The following AAR2 variants were observed in gnomAD, a reference collection of about 807,000 sequenced individuals.
The protein encoded by AAR2 is AAR2 splicing factor.
AAR2 carries 31 observed loss-of-function variants against 26.9 expected under a neutral mutation model. The observed-to-expected ratio is 1.15, with a 90% CI of 0.86 to 1.55. The LOEUF (loss-of-function observed/expected upper bound fraction) is 1.55. Among genes scored for constraint, AAR2 ranks in the 40% most tolerant of loss-of-function variants. The pLI, the probability that AAR2 is intolerant of heterozygous loss-of-function variation, is 0.00. For missense variants in AAR2, 430 were observed against 491.3 expected, an observed-to-expected ratio of 0.88 and a Z score of 1.18; for synonymous variants, 188 against 196.1, an observed-to-expected ratio of 0.96 and a Z score of 0.34.
chr20:36,240,044 A>T lies in AAR2; in HGVS notation c.176A>T (p.His59Leu). The change falls in exon 2 of 4, where the codon CAC (histidine) becomes CTC (leucine). Residue 59 changes from histidine (H) to leucine (L), a missense_variant. Coordinates refer to ENST00000320849, the MANE Select transcript of AAR2 (RefSeq NM_001271874.2). ...KMIPPGIHFL[H>L]YSSVDKANPK... is the part of the protein sequence containing the mutation. ...ATCCCTCCAGGCATCCACTTCCTCC[A>T]CTACAGCTCTGTGGACAAGGCTAAT... The T allele has an allele frequency of 6.2e-7, 1 of 1,614,152 alleles. No individual in the cohort carries two copies. Among genetic ancestry groups the T allele is most frequent in the Non-Finnish European group, 8.5e-7 (1 of 1,180,018 alleles).
At chr20:36,252,714 C>T (rs1414941834) in intron 3 of AAR2, among the ~76,000 whole-genome samples, 3 of 152,188 alleles carry the variant, frequency 2.0e-5, no homozygotes, top group African/African-American at 7.2e-5. Flanking sequence ...TGTGGAGAGT[C>T]ATCCAATTCC....
In AAR2 at chr20:36,255,692, G is replaced by A. The variant is rs774155087; in HGVS notation, c.1102G>A (p.Glu368Lys). Residue 368 changes from glutamate (E) to lysine (K), a missense_variant, in exon 4 of 4, where the codon GAG becomes AAG. Glu to Lys is a moderately conservative substitution (Grantham distance 56). Transcript: ENST00000320849. ...KFRWDFAAEP[E>K]DCAPVVVELP... is the part of the protein sequence containing the mutation. ...CCGGTGGGACTTTGCTGCGGAACCTGAGGACTGTGCCCCGGTGGTGGTGGA... is the reference window on the plus strand; with the variant it reads ...CCGGTGGGACTTTGCTGCGGAACCTAAGGACTGTGCCCCGGTGGTGGTGGA... 2 of 1,614,148 alleles carry A rather than the reference G, an allele frequency of 1.2e-6. No individual in the cohort carries two copies. The highest frequency in any genetic ancestry group is 2.2e-5 in the East Asian group (1 of 44,878).
chr20:36,242,429 C>T (rs904898462), intron 2 of AAR2, among the ~76,000 whole-genome samples: 9 of 151,804 alleles, frequency 5.9e-5, no homozygotes, highest in South Asian at 2.1e-4. Context: ...CTTGCTCTGT[C>T]GCCCAGGCTG....
At chr20:36,248,215 A>C (rs896924498) in intron 3 of AAR2, among the ~76,000 whole-genome samples, 2 of 152,074 alleles carry the variant, frequency 1.3e-5, no homozygotes, top group Non-Finnish European at 2.9e-5. Flanking sequence ...ACTTGTCGCT[A>C]TTATATTGCA....
chr20:36,240,245 C>T lies in AAR2; in HGVS notation c.377C>T (p.Pro126Leu), dbSNP rs199966492. The T allele has an allele frequency of 3.7e-6, 6 of 1,614,222 alleles. No homozygotes were observed. The highest frequency in any genetic ancestry group is 3.3e-4 in the Middle Eastern group (2 of 6,062). The change falls in exon 2 of 4, where the codon CCA becomes CTA. Residue 126 changes from proline (P) to leucine (L), a missense_variant. Coordinates refer to ENST00000320849, the MANE Select transcript of AAR2 (RefSeq NM_001271874.2). ...QELDQFLGPYPYATLKKWISL... is the reference protein window; with the variant it reads ...QELDQFLGPYLYATLKKWISL... ...CTGGACCAGTTCCTGGGGCCTTACC[C>T]ATATGCCACCCTGAAGAAGTGGATC...
chr20:36,240,043 C>T lies in AAR2; in HGVS notation c.175C>T (p.His59Tyr). 6.2e-7 allele frequency: 1 copy of T among 1,614,242 alleles called. No individual in the cohort carries two copies. Among genetic ancestry groups the T allele is most frequent in the African/African-American group, 1.3e-5 (1 of 75,060 alleles). ...GATCCCTCCAGGCATCCACTTCCTCCACTACAGCTCTGTGGACAAGGCTAA... is the reference window on the plus strand; with the variant it reads ...GATCCCTCCAGGCATCCACTTCCTCTACTACAGCTCTGTGGACAAGGCTAA... Reference protein sequence around the residue: ...KMIPPGIHFLHYSSVDKANPK... With the variant: ...KMIPPGIHFLYYSSVDKANPK... The change falls in exon 2 of 4, where the codon CAC (histidine) becomes TAC (tyrosine). Residue 59 changes from histidine (H) to tyrosine (Y), a missense_variant. By Grantham distance (83) the His-to-Tyr change is moderately conservative. Transcript: ENST00000320849.
intron 3 of AAR2, among the ~76,000 whole-genome samples, chr20:36,246,711 A>C (rs1450957234): frequency 6.6e-6 from 1 of 152,236 alleles, no homozygotes; most frequent in Admixed American, 6.5e-5. Flanking sequence ...CTTTGTTGCC[A>C]GCAATGATTT....
intron 3 of AAR2, among the ~76,000 whole-genome samples, chr20:36,247,740 G>A (rs974517916): frequency 6.6e-6 from 1 of 151,916 alleles, no homozygotes; most frequent in Non-Finnish European, 1.5e-5. Flanking sequence ...ATGGTGGTGG[G>A]CGCCTCTAGT....
chr20:36,245,051 G>A (rs2064721039), intron 3 of AAR2, 125 bp downstream of exon 3: 1 of 837,948 alleles, frequency 1.2e-6, no homozygotes, highest in Admixed American at 2.3e-5. Context: ...CTAGTCTTGG[G>A]ATATTTCCTG....
At chr20:36,244,154 C>T (rs539827011) in intron 2 of AAR2, among the ~76,000 whole-genome samples, 22 of 152,296 alleles carry the variant, frequency 1.4e-4, no homozygotes, top group African/African-American at 4.8e-4. Flanking sequence ...TCTTCCTGAT[C>T]GCCTTGTGGA....
intron 3 of AAR2, among the ~76,000 whole-genome samples, chr20:36,252,944 T>C (rs2064791414): frequency 1.3e-5 from 2 of 152,010 alleles, no homozygotes; most frequent in Admixed American, 6.6e-5. Flanking sequence ...GGCTTCCCCA[T>C]GGCCCTCGCC....
In AAR2 at chr20:36,237,814, G is replaced by A. The variant is rs73618574; in HGVS notation, c.-49+1311G>A. On this transcript the variant is annotated intron_variant, in intron 1 of 3. Coordinates refer to ENST00000320849, the MANE Select transcript of AAR2 (RefSeq NM_001271874.2). Reference sequence around the variant, plus strand: ...TTATTATTATTTTGAGACGGAATTCGCTCAGACCCCCAGGCTGGAGTGCAG... The same window carrying A: ...TTATTATTATTTTGAGACGGAATTCACTCAGACCCCCAGGCTGGAGTGCAG... Among the ~76,000 whole-genome samples the A allele has an allele frequency of 9.9e-3, 1,465 of 148,296 alleles. 73 individuals are homozygous for A. Among genetic ancestry groups the A allele is most frequent in the Admixed American group, 0.075 (1,103 of 14,778 alleles).
intron 1 of AAR2, among the ~76,000 whole-genome samples, chr20:36,237,750 GTATTAT>G (rs71184090): frequency 0.093 from 12,918 of 138,920 alleles, 746 homozygotes; most frequent in African/African-American, 0.17. Context: ...AAGATGATAC[GTATTAT>G]TATTATTATT....
Position 36,244,915 on chromosome 20 carries a change from AGCACCTTAC to A in AAR2, c.977_985del (p.Ser326_Gln329delinsLys). On this transcript the variant is annotated inframe_deletion and splice_region_variant, in exon 3 of 4. Transcript: ENST00000320849. ...TGTCTCCCAAGACAACTTCCTCACC[AGCACCTTAC>A]AGGTGAGCAGTCTTTCTGACTGAGC... 1 of 1,613,272 alleles carries A rather than the reference AGCACCTTAC, an allele frequency of 6.2e-7. No individual in the cohort carries two copies.
In AAR2 at chr20:36,240,335, G is replaced by A. The variant is rs2064666053; in HGVS notation, c.467G>A (p.Cys156Tyr). The A allele has an allele frequency of 2.5e-6, 4 of 1,614,252 alleles. No individual in the cohort carries two copies. The highest frequency in any genetic ancestry group is 3.4e-6 in the Non-Finnish European group (4 of 1,180,050). Residue 156 changes from cysteine (C) to tyrosine (Y), a missense_variant, in exon 2 of 4, where the codon TGT becomes TAT. Transcript: ENST00000320849. ...EKLQPENRQI[C>Y]AFSDVLPVLS... ...CTACAGCCCGAGAATCGACAGATCTGTGCCTTTTCCGATGTGCTACCTGTG... is the reference window on the plus strand; with the variant it reads ...CTACAGCCCGAGAATCGACAGATCTATGCCTTTTCCGATGTGCTACCTGTG...
chr20:36,252,411 T>C (rs1439601261), intron 3 of AAR2, among the ~76,000 whole-genome samples: 1 of 152,256 alleles, frequency 6.6e-6, no homozygotes, highest in East Asian at 1.9e-4. Context: ...GCTCCGTGTC[T>C]GGTGGACAAG....
intron 2 of AAR2, 89 bp from the exon 3 acceptor site, chr20:36,244,608 G>A: frequency 1.6e-6 from 2 of 1,285,332 alleles, no homozygotes; most frequent in South Asian, 1.2e-5. Context: ...CTGAGGTCCA[G>A]TGGAATTCAT....
At chr20:36,240,892 A>G (rs1337324792) in intron 2 of AAR2, among the ~76,000 whole-genome samples, 1 of 152,138 alleles carries the variant, frequency 6.6e-6, no homozygotes, top group Non-Finnish European at 1.5e-5. Context: ...CCACTGATAG[A>G]GCCCAGTCCT....
chr20:36,255,702 C>G lies in AAR2; in HGVS notation c.1112C>G (p.Ala371Gly). The G allele has an allele frequency of 1.2e-6, 2 of 1,614,144 alleles. No individual in the cohort carries two copies. The highest frequency in any genetic ancestry group is 8.5e-7 in the Non-Finnish European group (1 of 1,180,024). ...TTTGCTGCGGAACCTGAGGACTGTG[C>G]CCCGGTGGTGGTGGAGCTCCCTGAG... ...WDFAAEPEDC[A>G]PVVVELPEGI... The change falls in exon 4 of 4, where the codon GCC (alanine) becomes GGC (glycine). Residue 371 changes from alanine to glycine, a missense_variant. By Grantham distance (60) the Ala-to-Gly change is moderately conservative (BLOSUM62 0). Transcript: ENST00000320849.
Sources: allele counts gnomAD v4.1 joint callset (sites outside exome capture counted in the v4.1 genomes callset), GRCh38; gene constraint gnomAD v4.1.1; transcripts MANE v1.5; gene names NCBI Gene and HGNC (gene_info 2026-07-23, HGNC 2026-07-21).